The following AGMO variants were observed in gnomAD, a reference collection of about 807,000 sequenced individuals.
AGMO encodes glyceryl-ether monooxygenase.
AGMO carries 75 observed loss-of-function variants against 60.2 expected under a neutral mutation model. The observed-to-expected ratio is 1.25, with a 90% CI of 1.03 to 1.51. AGMO has a LOEUF of 1.51. Among genes scored for constraint, AGMO ranks in the 40% most tolerant of loss-of-function variants. The pLI is 0.00. For missense variants in AGMO, 763 were observed against 525.5 expected (o/e 1.45, Z -4.42); for synonymous variants, 261 against 177.1 (o/e 1.47, Z -3.76).
the AGMO span, among the ~76,000 whole-genome samples, chr7:15,189,495 T>C: frequency 6.6e-6 from 1 of 152,176 alleles, no homozygotes; most frequent in Non-Finnish European, 1.5e-5. Context: ...ATCTTTTAAC[T>C]GAATGCAAGG....
chr7:15,216,856 G>A (rs1472232248), intron 12 of AGMO, among the ~76,000 whole-genome samples: 2 of 151,762 alleles, frequency 1.3e-5, no homozygotes, highest in African/African-American at 4.8e-5. Flanking sequence ...GTGTGTGTGT[G>A]TGTGTGTGTA....
chr7:15,418,667 T>G lies in AGMO; in HGVS notation c.514-14A>C. 1 of 1,483,274 alleles carries G rather than the reference T, an allele frequency of 6.7e-7. No homozygotes were observed. Among genetic ancestry groups the G allele is most frequent in the Non-Finnish European group, 9.1e-7 (1 of 1,093,884 alleles). The allele number at this position is 1,483,274 out of a possible 1,614,324, so 91.9% of individuals were successfully genotyped here. Reference sequence around the variant, plus strand: ...AGAGTAGAAAATCTGAAAGAAAAAATTAAAAAAAAATTAATTTGCATATAT... The same window carrying G: ...AGAGTAGAAAATCTGAAAGAAAAAAGTAAAAAAAAATTAATTTGCATATAT... On this transcript the variant is annotated splice_polypyrimidine_tract_variant and intron_variant, in intron 4 of 12. Transcript: ENST00000342526.
chr7:15,158,818 A>G, the AGMO span, among the ~76,000 whole-genome samples: 1 of 152,160 alleles, frequency 6.6e-6, no homozygotes, highest in Non-Finnish European at 1.5e-5. Flanking sequence ...AGGACTTAGG[A>G]CAGTGTTTTA....
intron 3 of AGMO, among the ~76,000 whole-genome samples, chr7:15,434,327 C>A (rs1230580752): frequency 6.6e-6 from 1 of 152,078 alleles, no homozygotes; most frequent in Non-Finnish European, 1.5e-5. Flanking sequence ...GGTATTCATG[C>A]CTTTTATAAT....
the AGMO span, among the ~76,000 whole-genome samples, chr7:15,122,274 T>C: frequency 7.2e-5 from 11 of 152,118 alleles, no homozygotes; most frequent in African/African-American, 2.6e-4. Context: ...TCTTTCTTAA[T>C]CTACTTTGTT....
intron 5 of AGMO, 26 bp from the exon 6 acceptor site, chr7:15,394,205 T>C (rs757362131): frequency 6.9e-6 from 10 of 1,452,814 alleles, no homozygotes; most frequent in Non-Finnish European, 9.6e-6. Context: ...GGAATATTTA[T>C]ACATGTAGTT....
At chr7:15,193,164 T>A in the AGMO span, among the ~76,000 whole-genome samples, 70 of 152,278 alleles carry the variant, frequency 4.6e-4, no homozygotes, top group African/African-American at 1.7e-3. Context: ...TTTCTCTGCA[T>A]AACACTTATA....
At chr7:15,264,250 A>G (rs1264806241) in intron 12 of AGMO, among the ~76,000 whole-genome samples, 1 of 151,950 alleles carries the variant, frequency 6.6e-6, no homozygotes, top group Non-Finnish European at 1.5e-5. Flanking sequence ...CTTAAAATAT[A>G]TATTTTACCC....
chr7:15,465,589 TTA>T (rs142051256), intron 3 of AGMO, among the ~76,000 whole-genome samples: 1 of 145,358 alleles, frequency 6.9e-6, no homozygotes. Flanking sequence ...GTCCGGCTAA[TTA>T]TATATATATA....
rs1782987171 is a variant in AGMO at position 15,366,522 on chromosome 7, C to A, written c.1075-300G>T. The stretch of plus-strand genomic sequence containing the variant: ...TATAATTTTTTGAAGCATGTGAGTC[C>A]CCACATATGGATAAATTACTCACAT... On this transcript the variant is annotated intron_variant, in intron 10 of 12. Transcript: ENST00000342526. 2.0e-5 allele frequency among the ~76,000 whole-genome samples: 3 copies of A among 151,626 alleles called. No homozygotes were observed. In the South Asian group the frequency reaches 6.2e-4, roughly 32 times the overall value.
intron 12 of AGMO, among the ~76,000 whole-genome samples, chr7:15,257,931 T>C (rs528917832): frequency 5.3e-5 from 8 of 152,302 alleles, no homozygotes; most frequent in African/African-American, 1.9e-4. Context: ...CCCAAACAGA[T>C]TGATTTTATG....
intron 10 of AGMO, among the ~76,000 whole-genome samples, chr7:15,368,671 T>C (rs1267530582): frequency 1.3e-5 from 2 of 152,152 alleles, no homozygotes; most frequent in Non-Finnish European, 2.9e-5. Context: ...ATTGTTACTA[T>C]GTTCAGGAGC....
chr7:15,128,361 T>C, the AGMO span, among the ~76,000 whole-genome samples: 4 of 152,154 alleles, frequency 2.6e-5, no homozygotes, highest in Admixed American at 6.5e-5. Flanking sequence ...AAGTCACCAG[T>C]ACAATAGAAG....
intron 2 of AGMO, among the ~76,000 whole-genome samples, chr7:15,555,824 C>A (rs554943233): frequency 3.9e-5 from 6 of 151,912 alleles, no homozygotes; most frequent in Admixed American, 3.3e-4. Flanking sequence ...AAGACAAAGT[C>A]TATTTATTAG....
At chr7:15,387,254 C>G (rs1031128658) in intron 9 of AGMO, 152 bp downstream of exon 9, 5 of 822,418 alleles carry the variant, frequency 6.1e-6, no homozygotes, top group African/African-American at 3.4e-5. Flanking sequence ...TTGGTGGATA[C>G]TCATTAAGTA....
chr7:15,146,000 A>G, the AGMO span, among the ~76,000 whole-genome samples: 2 of 152,022 alleles, frequency 1.3e-5, no homozygotes, highest in Non-Finnish European at 2.9e-5. Context: ...TACTTAAGAA[A>G]ATTAAACAAT....
chr7:15,148,934 C>T, the AGMO span, among the ~76,000 whole-genome samples: 1 of 152,072 alleles, frequency 6.6e-6, no homozygotes, highest in Non-Finnish European at 1.5e-5. Context: ...TTCTCACTAG[C>T]ATATATAAAC....
chr7:15,554,855 G>A (rs528884475), intron 2 of AGMO, among the ~76,000 whole-genome samples: 30 of 152,122 alleles, frequency 2.0e-4, no homozygotes, highest in African/African-American at 6.7e-4. Context: ...CCCATCACCA[G>A]GAATAGAAGT....
chr7:15,479,437 G>C (rs537190232), intron 3 of AGMO, among the ~76,000 whole-genome samples: 2 of 152,170 alleles, frequency 1.3e-5, no homozygotes, highest in Non-Finnish European at 2.9e-5. Flanking sequence ...CCTTAAGGTC[G>C]TAAGACTAGA....
Sources: gnomAD v4.1 joint callset for allele counts (sites outside exome capture counted in the v4.1 genomes callset) on GRCh38, gnomAD v4.1.1 for gene constraint, MANE v1.5 for transcripts, NCBI Gene and HGNC (gene_info 2026-07-23, HGNC 2026-07-21) for gene names.